The following SGMS1 variants were observed in gnomAD, a reference collection of about 807,000 sequenced individuals.
SGMS1 encodes the protein sphingomyelin synthase 1.
SGMS1 carries 13 observed loss-of-function variants against 46.2 expected under a neutral mutation model. That is an observed-to-expected ratio of 0.28 (90% CI 0.18 to 0.45). The LOEUF is 0.45. Ranked by LOEUF, SGMS1 falls within the 20% of genes least tolerant of loss-of-function variation. The probability of loss-of-function intolerance (pLI) is 1.00; values close to 1 mark genes in which losing one functional copy is unlikely to be tolerated. For missense variants in SGMS1, 324 were observed against 519.9 expected (o/e 0.62, Z 3.66); for synonymous variants, 203 against 187.8 (o/e 1.08, Z -0.66).
chr10:50,459,330 C>G (rs937401806), intron 5 of SGMS1, among the ~76,000 whole-genome samples: 1 of 151,960 alleles, frequency 6.6e-6, no homozygotes, highest in Non-Finnish European at 1.5e-5. Flanking sequence ...TAATTATAAA[C>G]CAAATAAAAT....
intron 6 of SGMS1, among the ~76,000 whole-genome samples, chr10:50,384,225 T>C (rs774099967): frequency 4.6e-5 from 7 of 152,186 alleles, no homozygotes; most frequent in East Asian, 1.9e-4. Flanking sequence ...ATTAAGATTT[T>C]TTCTTCCTTC....
chr10:50,356,354 G>A (rs1848148126), intron 6 of SGMS1, among the ~76,000 whole-genome samples: 1 of 152,134 alleles, frequency 6.6e-6, no homozygotes, highest in East Asian at 1.9e-4. Context: ...GATGCTTGAA[G>A]GCAGCATACT....
chr10:50,562,671 G>A (rs979723806), intron 2 of SGMS1, among the ~76,000 whole-genome samples: 6 of 152,188 alleles, frequency 3.9e-5, no homozygotes, highest in Non-Finnish European at 7.4e-5. Flanking sequence ...AGCCTCCCGA[G>A]TAGCTGGGAC....
chr10:50,417,492 C>T lies in SGMS1; in HGVS notation c.-232+15984G>A, dbSNP rs143696657. On this transcript the variant is annotated intron_variant, in intron 6 of 10. Transcript: ENST00000361781. ...TCCATGTATTTATTGACAAATTCCA[C>T]AAGAGCGATTACCTGGCCACACTAA... is the stretch of plus-strand genomic sequence containing the variant. Among the ~76,000 whole-genome samples the T allele has an allele frequency of 4.7e-3, 712 of 152,174 alleles. 3 individuals carry two copies. Among genetic ancestry groups the T allele is most frequent in the African/African-American group, 0.016 (643 of 41,476 alleles).
intron 5 of SGMS1, among the ~76,000 whole-genome samples, chr10:50,439,438 A>G (rs921060788): frequency 1.3e-5 from 2 of 152,214 alleles, no homozygotes; most frequent in Non-Finnish European, 2.9e-5. Flanking sequence ...AGATGATGAC[A>G]CATAGATCCA....
chr10:50,314,342 AGAGCAGGCCAC>A (rs1847305073), intron 8 of SGMS1, among the ~76,000 whole-genome samples: 1 of 152,112 alleles, frequency 6.6e-6, no homozygotes, highest in African/African-American at 2.4e-5. Flanking sequence ...GTGCAGGGGA[AGAGCAGGCCAC>A]GAAACAGATA....
At chr10:50,485,805 C>T (rs781674533) in intron 3 of SGMS1, among the ~76,000 whole-genome samples, 10 of 152,126 alleles carry the variant, frequency 6.6e-5, no homozygotes, top group Non-Finnish European at 1.3e-4. Flanking sequence ...TAGGCTGAGG[C>T]ATGAGAATCA....
chr10:50,401,378 G>T (rs1191131995), intron 6 of SGMS1, among the ~76,000 whole-genome samples: 1 of 152,154 alleles, frequency 6.6e-6, no homozygotes, highest in African/African-American at 2.4e-5. Flanking sequence ...CTTTGATGGA[G>T]ACATTTTAAT....
chr10:50,399,902 G>A (rs1046987113), intron 6 of SGMS1, among the ~76,000 whole-genome samples: 4 of 151,818 alleles, frequency 2.6e-5, no homozygotes, highest in South Asian at 4.2e-4. Flanking sequence ...GGTGGTGGGC[G>A]CCTGTAGTCC....
At chr10:50,389,069 C>G (rs1330289979) in intron 6 of SGMS1, among the ~76,000 whole-genome samples, 1 of 152,098 alleles carries the variant, frequency 6.6e-6, no homozygotes. Context: ...GTTTTACTAT[C>G]TATATGTAGC....
At chr10:50,368,738 A>G (rs1171098789) in intron 6 of SGMS1, among the ~76,000 whole-genome samples, 1 of 152,238 alleles carries the variant, frequency 6.6e-6, no homozygotes, top group Non-Finnish European at 1.5e-5. Flanking sequence ...GCAATTAATC[A>G]ATGACCACTG....
At chr10:50,381,665 G>A (rs1161172808) in intron 6 of SGMS1, among the ~76,000 whole-genome samples, 1 of 152,152 alleles carries the variant, frequency 6.6e-6, no homozygotes, top group Non-Finnish European at 1.5e-5. Flanking sequence ...TATTTTGCCA[G>A]ATTTTAAAAA....
chr10:50,343,946 C>T lies in SGMS1; in HGVS notation c.169G>A (p.Gly57Arg), dbSNP rs948939561. 1.2e-6 allele frequency: 2 copies of T among 1,614,108 alleles called. No homozygotes were observed. The highest frequency in any genetic ancestry group is 1.7e-5 in the Admixed American group (1 of 60,022). ...TCTATCATGTCCAGGAGCCGCTGCC[C>T]ATTGTCAGAGGAGACTCGGCACAAG... ...PPLCRVSSDN[G>R]QRLLDMIETL... Residue 57 changes from glycine to arginine, a missense_variant, in exon 7 of 11, where the codon GGG becomes AGG. Around this residue, in one of 2 missense-constraint regions of SGMS1, gnomAD observed 150 missense variants for 169.8 expected, o/e 0.88. Transcript: ENST00000361781.
intron 5 of SGMS1, among the ~76,000 whole-genome samples, chr10:50,459,424 A>G (rs887057559): frequency 3.3e-4 from 51 of 152,282 alleles, no homozygotes; most frequent in African/African-American, 1.1e-3. Flanking sequence ...TTTTTTTTAG[A>G]CGGAGTTTCA....
At chr10:50,521,423 C>T (rs1466270648) in intron 2 of SGMS1, among the ~76,000 whole-genome samples, 2 of 152,120 alleles carry the variant, frequency 1.3e-5, no homozygotes, top group Non-Finnish European at 2.9e-5. Flanking sequence ...TCTTACATAA[C>T]CACAATATAG....
At chr10:50,590,919 G>A (rs1422918070) in intron 1 of SGMS1, among the ~76,000 whole-genome samples, 1 of 152,124 alleles carries the variant, frequency 6.6e-6, no homozygotes, top group African/African-American at 2.4e-5. Context: ...GAGCTTCAAT[G>A]ACTTGAGATT....
At chr10:50,621,908 G>A (rs1282885156) in intron 1 of SGMS1, among the ~76,000 whole-genome samples, 1 of 152,192 alleles carries the variant, frequency 6.6e-6, no homozygotes, top group African/African-American at 2.4e-5. Context: ...CAGAGATGCA[G>A]AGACTCAAAA....
chr10:50,408,443 AAAAAAAAAAAAAC>A (rs1421889636), intron 6 of SGMS1, among the ~76,000 whole-genome samples: 1 of 148,684 alleles, frequency 6.7e-6, no homozygotes, highest in African/African-American at 2.5e-5. Flanking sequence ...AAAAAAAAAA[AAAAAAAAAAAAAC>A]AAAATAAAAA....
At chr10:50,361,145 T>C (rs1256201515) in intron 6 of SGMS1, among the ~76,000 whole-genome samples, 8 of 152,232 alleles carry the variant, frequency 5.3e-5, no homozygotes, top group Non-Finnish European at 1.2e-4. Context: ...AAAGCATCTA[T>C]GGGAGAAAAA....
Sources: allele counts gnomAD v4.1 joint callset (sites outside exome capture counted in the v4.1 genomes callset), GRCh38; gene constraint gnomAD v4.1.1; regional missense constraint gnomAD v4.1.1; transcripts MANE v1.5; gene names NCBI Gene and HGNC (gene_info 2026-07-23, HGNC 2026-07-21).